COL18A1: variants seen among roughly 807,000 people sequenced by gnomAD.
COL18A1 encodes the protein collagen alpha-1(XVIII) chain.
A neutral mutation model predicts 168.0 loss-of-function variants in COL18A1; 133 were observed. That is an observed-to-expected ratio of 0.79 (90% CI 0.69 to 0.91). The LOEUF (loss-of-function observed/expected upper bound fraction) is 0.91. COL18A1 is among the 40% of genes least tolerant of loss of function. COL18A1 has a pLI of 0.00. For missense variants in COL18A1, 2,126 were observed against 1,925.4 expected (o/e 1.10, Z -1.95); for synonymous variants, 949 against 809.0 (o/e 1.17, Z -2.94).
chr21:45,450,946 C>T (rs571829938), intron 2 of COL18A1, among the ~76,000 whole-genome samples: 10 of 152,354 alleles, frequency 6.6e-5, no homozygotes, highest in Admixed American at 1.3e-4. Flanking sequence ...ACAGCACCCC[C>T]GGGTCCACCA....
In COL18A1 at chr21:45,511,158, G is replaced by T. The variant is rs2037586833; in HGVS notation, c.3741G>T (p.Glu1247Asp). 2 of 1,601,164 alleles carry T rather than the reference G, an allele frequency of 1.2e-6. No homozygotes were observed. The highest frequency in any genetic ancestry group is 1.1e-5 in the South Asian group (1 of 88,682). Residue 1247 changes from glutamate to aspartate, a missense_variant, in exon 41 of 42, where the codon GAG becomes GAT. By Grantham distance (45) the Glu-to-Asp change is conservative. Coordinates refer to ENST00000651438, the MANE Select transcript of COL18A1 (RefSeq NM_001379500.1). ...GGGAGGCTCTGTTCTCAGGCTCTGA[G>T]GGTCCGCTGAAGCCCGGGGCACGCA... ...PSWEALFSGS[E>D]GPLKPGARIF...
rs1175731734 is a variant in COL18A1 at position 45,512,264 on chromosome 21, A to G, written c.3886A>G (p.Thr1296Ala). 1.2e-6 allele frequency: 2 copies of G among 1,611,662 alleles called. No homozygotes were observed. The highest frequency in any genetic ancestry group is 1.3e-5 in the African/African-American group (1 of 74,856). The change falls in exon 42 of 42, where the codon ACG becomes GCG. Residue 1296 changes from threonine (T) to alanine (A), a missense_variant. Coordinates refer to ENST00000651438, the MANE Select transcript of COL18A1 (RefSeq NM_001379500.1). The stretch of plus-strand genomic sequence containing the variant: ...CGAGAGCTACTGTGAGACGTGGCGG[A>G]CGGAGGCTCCCTCGGCCACGGGCCA... ...LTESYCETWR[T>A]EAPSATGQAS...
rs759383043 is a variant in COL18A1 at position 45,482,015 on chromosome 21, A to C, written c.1664A>C (p.Lys555Thr). Residue 555 changes from lysine (K) to threonine (T), a missense_variant, in exon 14 of 42, where the codon AAA becomes ACA. Lys to Thr is a moderately conservative substitution (Grantham distance 78). Coordinates refer to ENST00000651438, the MANE Select transcript of COL18A1 (RefSeq NM_001379500.1). ...GGGCCCCCAGGAAGGACTGGGCAGA[A>C]AGGCAGCCTGGTAAGTCTTCCCTCG... ...REGPPGRTGQKGSLGEAGAPG... is the reference protein window; with the variant it reads ...REGPPGRTGQTGSLGEAGAPG... The C allele has an allele frequency of 3.7e-6, 6 of 1,613,224 alleles. No homozygotes were observed. The highest frequency in any genetic ancestry group is 5.1e-6 in the Non-Finnish European group (6 of 1,179,458).
intron 2 of COL18A1, chr21:45,455,420 C>T (rs1054744755): frequency 1.3e-6 from 2 of 1,491,858 alleles, no homozygotes; most frequent in Non-Finnish European, 1.8e-6. Context: ...GACAGCCGGC[C>T]AGAGGCTGGG....
At chr21:45,412,602 A>G (rs1488904097) in intron 2 of COL18A1, among the ~76,000 whole-genome samples, 3 of 152,018 alleles carry the variant, frequency 2.0e-5, no homozygotes, top group South Asian at 4.1e-4. Context: ...CCCTTTAGAG[A>G]TGGCACCCTG....
chr21:45,476,228 C>A, intron 5 of COL18A1, 123 bp from the exon 6 acceptor site: 1 of 1,434,752 alleles, frequency 7.0e-7, no homozygotes, highest in Non-Finnish European at 9.5e-7. Context: ...GAGCACCCTC[C>A]TGTTTCAGAG....
chr21:45,407,159 C>T (rs897947607), intron 2 of COL18A1, among the ~76,000 whole-genome samples: 1 of 152,260 alleles, frequency 6.6e-6, no homozygotes, highest in South Asian at 2.1e-4. Context: ...AGGACCAAGT[C>T]CCCCTGAAAT....
At position 45,455,580 on chromosome 21, in the gene COL18A1, G is replaced by A. The variant is rs1205349866; in HGVS notation, c.107-12662G>A. On this transcript the variant is annotated intron_variant, in intron 2 of 41. Transcript: ENST00000651438. ...CACATCCTGCTGCTGCTCTTCTGCT[G>A]CCTGGCGGCTGCCCGGGCCAACCTG... 11 of 1,613,770 alleles carry A rather than the reference G, an allele frequency of 6.8e-6. No homozygotes were observed. Among genetic ancestry groups the A allele is most frequent in the Non-Finnish European group, 9.3e-6 (11 of 1,180,018 alleles).
rs1046747535 is a variant in COL18A1 at position 45,426,778 on chromosome 21, C to G, written c.106+21305C>G. On this transcript the variant is annotated intron_variant, in intron 2 of 41. Coordinates refer to ENST00000651438, the MANE Select transcript of COL18A1 (RefSeq NM_001379500.1). ...CTGCATCCTCCTGCAGACACTTGCC[C>G]ATTCTGGGGCCTCCTCTCTGTCTTT... Among the ~76,000 whole-genome samples, 21 of 152,254 alleles carry G rather than the reference C, an allele frequency of 1.4e-4. 1 individual carries two copies. Among genetic ancestry groups the G allele is most frequent in the Admixed American group, 9.2e-4 (14 of 15,290 alleles).
intron 40 of COL18A1, 151 bp downstream of exon 40, chr21:45,510,412 G>C: frequency 1.1e-6 from 1 of 897,996 alleles, no homozygotes; most frequent in Non-Finnish European, 1.8e-6. Context: ...GGCAGGCTCC[G>C]GGTGGGTCAC....
Position 45,504,450 on chromosome 21 carries a change from A to G in COL18A1, c.2762A>G (p.Lys921Arg). The G allele has an allele frequency of 6.2e-7, 1 of 1,611,602 alleles. No homozygotes were observed. Among genetic ancestry groups the G allele is most frequent in the Non-Finnish European group, 8.5e-7 (1 of 1,179,320 alleles). ...GGAGACCGAGGTGATGCAGGACAGAAAGGCGAAAGGGGGGAGCCCGGGGGC... is the reference window on the plus strand; with the variant it reads ...GGAGACCGAGGTGATGCAGGACAGAGAGGCGAAAGGGGGGAGCCCGGGGGC... ...EKGDRGDAGQKGERGEPGGGG... is the reference protein window; with the variant it reads ...EKGDRGDAGQRGERGEPGGGG... Residue 921 changes from lysine (K) to arginine (R), a missense_variant, in exon 34 of 42, where the codon AAA (lysine) becomes AGA (arginine). Lys to Arg is a conservative substitution (Grantham distance 26). Transcript: ENST00000651438.
At chr21:45,503,607 AG>A (rs1364372649) in intron 32 of COL18A1, among the ~76,000 whole-genome samples, 1 of 126,308 alleles carries the variant, frequency 7.9e-6, no homozygotes, top group Non-Finnish European at 1.6e-5. Flanking sequence ...GGACACAGGA[AG>A]GGGAACATCA....
At chr21:45,484,663 TAC>T (rs3028015) in intron 15 of COL18A1, among the ~76,000 whole-genome samples, 10 of 151,608 alleles carry the variant, frequency 6.6e-5, no homozygotes, top group East Asian at 3.9e-4. Context: ...TATGTGCACA[TAC>T]ACACACATGT....
At chr21:45,485,862 C>T (rs1436316540) in intron 15 of COL18A1, among the ~76,000 whole-genome samples, 1 of 152,268 alleles carries the variant, frequency 6.6e-6, no homozygotes, top group Non-Finnish European at 1.5e-5. Flanking sequence ...CAGCGGGTCA[C>T]ATTCCTGCCC....
intron 2 of COL18A1, among the ~76,000 whole-genome samples, chr21:45,444,839 T>A (rs1480693705): frequency 6.6e-6 from 1 of 152,164 alleles, no homozygotes. Context: ...CACAGGAATT[T>A]ATAAGAGAAA....
chr21:45,441,657 C>T (rs939146459), intron 2 of COL18A1, among the ~76,000 whole-genome samples: 1 of 152,258 alleles, frequency 6.6e-6, no homozygotes, highest in African/African-American at 2.4e-5. Flanking sequence ...AGAACACGGC[C>T]GTGAGCTTCC....
rs765776651 is a variant in COL18A1 at position 45,507,600 on chromosome 21, A to G, written c.3249+7A>G. 10 of 1,612,908 alleles carry G rather than the reference A, an allele frequency of 6.2e-6. No individual in the cohort carries two copies. In the Admixed American group the frequency reaches 1.0e-4, roughly 16 times the overall value. ...ACCACTCCCACGAGGGACGGTAAGG[A>G]GCCTTTTTTCTGTTGAGACTGGTGG... On this transcript the variant is annotated splice_region_variant and intron_variant, in intron 38 of 41. Coordinates refer to ENST00000651438, the MANE Select transcript of COL18A1 (RefSeq NM_001379500.1).
intron 2 of COL18A1, chr21:45,421,036 C>T (rs190807393): frequency 3.1e-4 from 64 of 204,738 alleles, no homozygotes; most frequent in Middle Eastern, 2.0e-3. Flanking sequence ...CTGCTCCGAG[C>T]CAGGAGACTC....
chr21:45,482,971 C>A, intron 15 of COL18A1, 150 bp downstream of exon 15: 1 of 1,222,918 alleles, frequency 8.2e-7, no homozygotes, highest in South Asian at 1.3e-5. Flanking sequence ...GTCCATCCGT[C>A]CTGCCGGAAT....
Sources: allele counts gnomAD v4.1 joint callset (sites outside exome capture counted in the v4.1 genomes callset), GRCh38; gene constraint gnomAD v4.1.1; transcripts MANE v1.5; gene names NCBI Gene and HGNC (gene_info 2026-07-23, HGNC 2026-07-21).